Variants in SLC25A21 observed in about 807,000 individuals in gnomAD.
SLC25A21 encodes solute carrier family 25 member 21.
In SLC25A21, 47 loss-of-function variants were observed where a neutral mutation model predicts 43.8. The ratio of observed to expected loss-of-function variants is 1.07; its 90% CI spans 0.85 to 1.37. The LOEUF (loss-of-function observed/expected upper bound fraction) is 1.37, where lower values mean the gene tolerates loss of function less well. Ranked by LOEUF, SLC25A21 falls within the 40% of genes most tolerant of loss-of-function variation. The pLI is 0.00. For synonymous variants in SLC25A21, 131 were observed against 121.3 expected (o/e 1.08, Z -0.52); for missense variants, 352 against 350.2 (o/e 1.00, Z -0.04).
At chr14:37,057,330 C>T (rs74831574) in intron 1 of SLC25A21, among the ~76,000 whole-genome samples, 6,779 of 152,158 alleles carry the variant, frequency 0.045, 493 homozygotes, top group African/African-American at 0.15. Flanking sequence ...AGTGCCTTGT[C>T]ATTTATATAG....
intron 1 of SLC25A21, among the ~76,000 whole-genome samples, chr14:36,942,151 TA>T (rs539020842): frequency 1.0e-3 from 149 of 146,878 alleles, no homozygotes; most frequent in Non-Finnish European, 1.3e-3. Context: ...GAGTTTGAAC[TA>T]AAAAAAAAAA....
At chr14:36,942,348 G>GGAA (rs1892582564) in intron 1 of SLC25A21, among the ~76,000 whole-genome samples, 1 of 152,146 alleles carries the variant, frequency 6.6e-6, no homozygotes, top group South Asian at 2.1e-4. Context: ...TAAAGAAGCT[G>GGAA]GAAGCTTCGC....
intron 1 of SLC25A21, among the ~76,000 whole-genome samples, chr14:37,147,994 C>T (rs1162472654): frequency 1.3e-5 from 2 of 151,798 alleles, no homozygotes; most frequent in African/African-American, 4.8e-5. Context: ...CTCACCACCA[C>T]ACCTGGCTGA....
chr14:37,145,668 C>A (rs1963652718), intron 1 of SLC25A21, among the ~76,000 whole-genome samples: 1 of 152,082 alleles, frequency 6.6e-6, no homozygotes, highest in African/African-American at 2.4e-5. Context: ...GAAAAAACTA[C>A]AACTAACACA....
intron 2 of SLC25A21, chr14:36,870,834 A>T (rs530140287): frequency 6.6e-6 from 1 of 152,264 alleles, no homozygotes; most frequent in African/African-American, 2.4e-5. Flanking sequence ...TCATGCTTAT[A>T]AGGCTTGGAA....
intron 1 of SLC25A21, among the ~76,000 whole-genome samples, chr14:37,047,885 C>T (rs1012500568): frequency 6.6e-6 from 1 of 152,112 alleles, no homozygotes; most frequent in African/African-American, 2.4e-5. Flanking sequence ...ACAACAAGAA[C>T]ATATTAACAG....
chr14:36,786,632 C>T (rs1186269824), intron 3 of SLC25A21, among the ~76,000 whole-genome samples: 1 of 152,198 alleles, frequency 6.6e-6, no homozygotes, highest in Non-Finnish European at 1.5e-5. Flanking sequence ...TCCTTTGAGT[C>T]CTGAAATCAC....
At chr14:36,857,781 T>G (rs969541466) in intron 2 of SLC25A21, among the ~76,000 whole-genome samples, 3 of 152,192 alleles carry the variant, frequency 2.0e-5, no homozygotes, top group African/African-American at 7.2e-5. Context: ...TTGGCATCAT[T>G]TGCTGGGCTG....
intron 1 of SLC25A21, among the ~76,000 whole-genome samples, chr14:36,938,832 G>A (rs1376451499): frequency 1.3e-5 from 2 of 151,834 alleles, no homozygotes; most frequent in Admixed American, 6.6e-5. Flanking sequence ...ACATAAATTA[G>A]TAAAAAAACA....
At chr14:37,020,828 T>C (rs919130109) in intron 1 of SLC25A21, among the ~76,000 whole-genome samples, 3 of 151,984 alleles carry the variant, frequency 2.0e-5, no homozygotes, top group Non-Finnish European at 1.5e-5. Flanking sequence ...TACAATCATC[T>C]GTTGATTGAG....
At chr14:37,011,576 C>A (rs1006784041) in intron 1 of SLC25A21, among the ~76,000 whole-genome samples, 1 of 152,124 alleles carries the variant, frequency 6.6e-6, no homozygotes, top group African/African-American at 2.4e-5. Flanking sequence ...GAATTGCCTG[C>A]GGAGGTTCAT....
chr14:36,919,538 C>G, intron 1 of SLC25A21, among the ~76,000 whole-genome samples: 1 of 151,896 alleles, frequency 6.6e-6, no homozygotes, highest in Admixed American at 6.6e-5. Flanking sequence ...TAATTTTCTT[C>G]TTGATATTCT....
intron 2 of SLC25A21, among the ~76,000 whole-genome samples, chr14:36,844,937 A>G (rs926034012): frequency 6.6e-6 from 1 of 152,244 alleles, no homozygotes; most frequent in Non-Finnish European, 1.5e-5. Flanking sequence ...AGAGGCGTAC[A>G]TGAAATGTAA....
intron 3 of SLC25A21, among the ~76,000 whole-genome samples, chr14:36,752,145 C>T (rs1171283768): frequency 6.6e-6 from 1 of 152,154 alleles, no homozygotes. Flanking sequence ...GTCAACATTG[C>T]TCATCATGAG....
At chr14:36,867,615 G>A (rs1204387774) in intron 2 of SLC25A21, among the ~76,000 whole-genome samples, 1 of 152,150 alleles carries the variant, frequency 6.6e-6, no homozygotes, top group Non-Finnish European at 1.5e-5. Flanking sequence ...TGAATGTAGT[G>A]CTTACATAAC....
chr14:37,000,320 C>T (rs941019731), intron 1 of SLC25A21, among the ~76,000 whole-genome samples: 1 of 152,088 alleles, frequency 6.6e-6, no homozygotes, highest in Non-Finnish European at 1.5e-5. Flanking sequence ...CTAAATATTC[C>T]CCCGTTTTCT....
At chr14:36,908,716 G>A (rs1891600593) in intron 1 of SLC25A21, among the ~76,000 whole-genome samples, 1 of 152,082 alleles carries the variant, frequency 6.6e-6, no homozygotes, top group Admixed American at 6.6e-5. Context: ...TACTTATATT[G>A]GATAGCTCAG....
At chr14:36,752,882 G>T (rs1020800432) in intron 3 of SLC25A21, among the ~76,000 whole-genome samples, 1 of 152,184 alleles carries the variant, frequency 6.6e-6, no homozygotes, top group African/African-American at 2.4e-5. Context: ...GGACGTGTTT[G>T]CTTCCCTTTC....
chr14:36,925,111 A>G (rs1486924759), intron 1 of SLC25A21, among the ~76,000 whole-genome samples: 1 of 152,206 alleles, frequency 6.6e-6, no homozygotes, highest in Admixed American at 6.5e-5. Context: ...GGGTAATAAA[A>G]GATATTAAAA....
Sources: gnomAD v4.1 joint callset for allele counts (sites outside exome capture counted in the v4.1 genomes callset) on GRCh38, gnomAD v4.1.1 for gene constraint, MANE v1.5 for transcripts, NCBI Gene and HGNC (gene_info 2026-07-23, HGNC 2026-07-21) for gene names.